CTNNA2: variants seen among roughly 807,000 people sequenced by gnomAD.
CTNNA2 encodes catenin alpha-2.
Under a neutral mutation model 101.0 loss-of-function variants are expected in CTNNA2, and 42 were observed. The ratio of observed to expected loss-of-function variants is 0.42; its 90% confidence interval spans 0.32 to 0.54. CTNNA2 has a LOEUF of 0.54. CTNNA2 is among the 20% of genes least tolerant of loss of function. CTNNA2 has a pLI of 0.14. For missense variants in CTNNA2, 871 were observed against 1,223.1 expected (o/e 0.71, Z 4.29); for synonymous variants, 450 against 456.4 (o/e 0.99, Z 0.18).
At chr2:80,107,370 G>A (rs1011950156) in intron 7 of CTNNA2, among the ~76,000 whole-genome samples, 5 of 151,850 alleles carry the variant, frequency 3.3e-5, no homozygotes, top group African/African-American at 1.2e-4. Context: ...CAGGGGGATG[G>A]TTGGCCCTAG....
At chr2:80,627,692 G>A (rs978064512) in intron 18 of CTNNA2, among the ~76,000 whole-genome samples, 1 of 152,074 alleles carries the variant, frequency 6.6e-6, no homozygotes, top group Admixed American at 6.6e-5. Context: ...CCTTTGCTGT[G>A]CAGAAGTTCA....
intron 7 of CTNNA2, among the ~76,000 whole-genome samples, chr2:80,307,938 C>T (rs1195847501): frequency 6.6e-6 from 1 of 152,176 alleles, no homozygotes; most frequent in African/African-American, 2.4e-5. Context: ...AGTTATGAAT[C>T]TGATGGCCAA....
At chr2:79,701,496 A>G (rs949081977) in intron 2 of CTNNA2, among the ~76,000 whole-genome samples, 1 of 152,122 alleles carries the variant, frequency 6.6e-6, no homozygotes, top group Non-Finnish European at 1.5e-5. Context: ...CTGAGCACCA[A>G]CTTACTGTCT....
chr2:79,476,221 T>C (rs755534474), intron 4 of CTNNA2, among the ~76,000 whole-genome samples: 4 of 152,086 alleles, frequency 2.6e-5, no homozygotes, highest in African/African-American at 4.8e-5. Flanking sequence ...AGCCAAGCCA[T>C]GCAAGGATGA....
chr2:79,659,347 C>T (rs1681850820), intron 2 of CTNNA2, among the ~76,000 whole-genome samples: 1 of 151,570 alleles, frequency 6.6e-6, no homozygotes, highest in Non-Finnish European at 1.5e-5. Context: ...TCCATCTATC[C>T]AGAGAATATC....
chr2:80,328,294 C>A (rs1014134117), intron 7 of CTNNA2: 10 of 471,010 alleles, frequency 2.1e-5, no homozygotes, highest in Admixed American at 2.1e-4. Context: ...TTTGCTCTGT[C>A]CTGAATGAGG....
intron 7 of CTNNA2, among the ~76,000 whole-genome samples, chr2:80,085,565 T>A (rs1017786173): frequency 5.3e-5 from 8 of 152,088 alleles, no homozygotes; most frequent in Non-Finnish European, 1.0e-4. Context: ...GAGGCATGTA[T>A]AATGGTTGAA....
intron 1 of CTNNA2, among the ~76,000 whole-genome samples, chr2:79,536,496 T>C (rs1326720073): frequency 6.6e-6 from 1 of 151,916 alleles, no homozygotes; most frequent in Non-Finnish European, 1.5e-5. Flanking sequence ...GCTTAAATAT[T>C]TTTTGACTAA....
chr2:79,762,147 T>G (rs759505029), intron 3 of CTNNA2, among the ~76,000 whole-genome samples: 1 of 152,220 alleles, frequency 6.6e-6, no homozygotes, highest in Non-Finnish European at 1.5e-5. Context: ...TTTGATGTTC[T>G]CTAATATTTC....
chr2:80,504,516 T>G (rs771446869), intron 9 of CTNNA2, among the ~76,000 whole-genome samples: 1 of 152,146 alleles, frequency 6.6e-6, no homozygotes, highest in Non-Finnish European at 1.5e-5. Flanking sequence ...ATACAGGGAA[T>G]GTACACCAGA....
intron 7 of CTNNA2, among the ~76,000 whole-genome samples, chr2:80,185,177 T>C (rs1261958489): frequency 6.6e-6 from 1 of 152,164 alleles, no homozygotes; most frequent in Non-Finnish European, 1.5e-5. Context: ...TCCAAGTTAA[T>C]TTGTGTGGTT....
chr2:80,524,675 T>C (rs1356288899), intron 9 of CTNNA2, among the ~76,000 whole-genome samples: 1 of 152,180 alleles, frequency 6.6e-6, no homozygotes, highest in Non-Finnish European at 1.5e-5. Context: ...TAGCCCCTAA[T>C]TTTTGCCATT....
Position 79,542,857 on chromosome 2 carries a change from A to AT in CTNNA2, c.-6+29657dup, listed in dbSNP as rs199925844. 7.1e-3 allele frequency among the ~76,000 whole-genome samples: 1,085 copies of AT among 152,104 alleles called. 16 individuals are homozygous for AT. Among genetic ancestry groups the AT allele is most frequent in the African/African-American group, 0.025 (1,024 of 41,498 alleles). On this transcript the variant is annotated intron_variant, in intron 1 of 18. Coordinates refer to ENST00000402739, the MANE Select transcript of CTNNA2 (RefSeq NM_001282597.3). ...ATTTTCTTTATATATTAATGTCCTG[A>AT]TTTTTTTCACTGTAGTGCATTTCTC...
chr2:79,517,377 T>G (rs1445675344), intron 1 of CTNNA2, among the ~76,000 whole-genome samples: 1 of 152,218 alleles, frequency 6.6e-6, no homozygotes, highest in Non-Finnish European at 1.5e-5. Context: ...AATAGTAAAA[T>G]GTTTCTCATA....
In CTNNA2 at chr2:79,649,085, C is replaced by A. The variant is rs73938760; in HGVS notation, c.-5-2467C>A. Among the ~76,000 whole-genome samples, 1,335 of 152,086 alleles carry A rather than the reference C, an allele frequency of 8.8e-3. 16 individuals are homozygous for A. The highest frequency in any genetic ancestry group is 0.031 in the African/African-American group (1,271 of 41,484). On this transcript the variant is annotated intron_variant, in intron 1 of 18. Transcript: ENST00000402739. ...TGAAGGCCCTAACTAACACTTGCTT[C>A]TTGGCTCATAGTTGGCTTGAGATCT... is the stretch of plus-strand genomic sequence containing the variant.
At chr2:79,450,166 C>CTT (rs542468883) in intron 4 of CTNNA2, among the ~76,000 whole-genome samples, 1 of 147,616 alleles carries the variant, frequency 6.8e-6, no homozygotes, top group East Asian at 2.0e-4. Context: ...GAACATTTTC[C>CTT]TTTTTTTTTT....
chr2:79,536,579 G>A (rs1673080393), intron 1 of CTNNA2, among the ~76,000 whole-genome samples: 2 of 151,438 alleles, frequency 1.3e-5, no homozygotes, highest in African/African-American at 2.4e-5. Context: ...AAAGAAGTGT[G>A]TGTGTGTGTG....
At chr2:79,650,131 C>A (rs968533185) in intron 1 of CTNNA2, among the ~76,000 whole-genome samples, 5 of 121,574 alleles carry the variant, frequency 4.1e-5, no homozygotes, top group African/African-American at 1.6e-4. Context: ...TTAGCAATTT[C>A]TTGATGAAAG....
chr2:79,305,108 C>T (rs1676203154), intron 2 of CTNNA2, among the ~76,000 whole-genome samples: 2 of 151,792 alleles, frequency 1.3e-5, no homozygotes, highest in Non-Finnish European at 2.9e-5. Context: ...CAAAGCAGTG[C>T]ATTTCAGGTT....
Sources: gnomAD v4.1 joint callset for allele counts (sites outside exome capture counted in the v4.1 genomes callset) on GRCh38, gnomAD v4.1.1 for gene constraint, MANE v1.5 for transcripts, NCBI Gene and HGNC (gene_info 2026-07-23, HGNC 2026-07-21) for gene names.